Variants in TRAPPC12 observed in about 807,000 individuals in gnomAD.
The protein encoded by TRAPPC12 is TPR repeat protein 15.
In TRAPPC12, 61 loss-of-function variants were observed where a neutral mutation model predicts 69.2. That is an observed-to-expected ratio of 0.88 (90% CI 0.72 to 1.09). The LOEUF (loss-of-function observed/expected upper bound fraction) is 1.09. Among genes scored for constraint, TRAPPC12 ranks in the 50% least tolerant of loss-of-function variants. TRAPPC12 has a pLI of 0.00. For synonymous variants in TRAPPC12, 469 were observed against 438.9 expected (o/e 1.07, Z -0.86); for missense variants, 1,101 against 1,016.4 (o/e 1.08, Z -1.13).
At position 3,421,928 on chromosome 2, in the gene TRAPPC12, C is replaced by T. The variant is rs1413342004; in HGVS notation, c.1212C>T (p.Leu404=). The part of the protein sequence containing the change: ...RAAVDLCGRL[L]TAHGQGYGKS... ...CAGTGGACCTGTGCGGACGTCTCCTCACAGCCCACGGCCAGGGCTACGGCA... is the reference window on the plus strand; with the variant it reads ...CAGTGGACCTGTGCGGACGTCTCCTTACAGCCCACGGCCAGGGCTACGGCA... The change falls in exon 4 of 12, where the codon CTC becomes CTT. Residue 404 remains leucine (L), a synonymous_variant. Coordinates refer to ENST00000324266, the MANE Select transcript of TRAPPC12 (RefSeq NM_016030.6). 7 of 1,613,758 alleles carry T rather than the reference C, an allele frequency of 4.3e-6. No individual in the cohort carries two copies. Among genetic ancestry groups the T allele is most frequent in the African/African-American group, 1.3e-5 (1 of 74,942 alleles).
At chr2:3,417,714 C>G (rs186995112) in intron 3 of TRAPPC12, among the ~76,000 whole-genome samples, 49 of 152,246 alleles carry the variant, frequency 3.2e-4, no homozygotes, top group Non-Finnish European at 6.2e-4. Context: ...GTTCTTCTTT[C>G]CACGAGAATT....
chr2:3,462,801 G>T (rs1665578208), intron 8 of TRAPPC12: 1 of 432,060 alleles, frequency 2.3e-6, no homozygotes, highest in Admixed American at 2.5e-5. Context: ...AGGTGGCTTG[G>T]GCCCCCCCTC....
At chr2:3,385,431 TA>T (rs1167401625) in intron 1 of TRAPPC12, among the ~76,000 whole-genome samples, 5 of 152,198 alleles carry the variant, frequency 3.3e-5, no homozygotes, top group Non-Finnish European at 7.3e-5. Flanking sequence ...TTACAATTTA[TA>T]AAGTTTTTAA....
At chr2:3,434,823 G>T (rs1663657032) in intron 5 of TRAPPC12, among the ~76,000 whole-genome samples, 1 of 152,216 alleles carries the variant, frequency 6.6e-6, no homozygotes, top group South Asian at 2.1e-4. Context: ...ACAAGGAGAG[G>T]TGGCAGCGTG....
chr2:3,386,565 G>A (rs547436635), intron 1 of TRAPPC12, among the ~76,000 whole-genome samples: 4 of 152,292 alleles, frequency 2.6e-5, no homozygotes, highest in East Asian at 3.9e-4. Context: ...TAGTATGTGC[G>A]GATAAATGTT....
At chr2:3,448,105 AC>A (rs1664613364) in intron 6 of TRAPPC12, among the ~76,000 whole-genome samples, 1 of 152,106 alleles carries the variant, frequency 6.6e-6, no homozygotes, top group Non-Finnish European at 1.5e-5. Flanking sequence ...TATGTTGATT[AC>A]CCCCTACTAA....
At chr2:3,442,423 T>G (rs986143999) in intron 5 of TRAPPC12, among the ~76,000 whole-genome samples, 3 of 152,176 alleles carry the variant, frequency 2.0e-5, no homozygotes, top group Non-Finnish European at 2.9e-5. Flanking sequence ...GTGACATGAC[T>G]TACATATGAC....
chr2:3,464,065 C>T (rs1029994056), intron 8 of TRAPPC12, among the ~76,000 whole-genome samples: 2 of 152,180 alleles, frequency 1.3e-5, no homozygotes, highest in Non-Finnish European at 2.9e-5. Context: ...CAGCTGCAAC[C>T]TCAGCCGCCC....
rs187029042 is a variant in TRAPPC12, at chr2:3,398,184, G to A, written c.1048-3593G>A. ...CTACTGTGAACATTCACACACAGGC[G>A]TTTGTGTCTATGTGTTCTCAGTGAT... On this transcript the variant is annotated intron_variant, in intron 2 of 11. Coordinates refer to ENST00000324266, the MANE Select transcript of TRAPPC12 (RefSeq NM_016030.6). 2.4e-4 allele frequency among the ~76,000 whole-genome samples: 37 copies of A among 152,316 alleles called. No homozygotes were observed. The East Asian group carries it at 4.6e-3, about 19-fold the overall frequency.
intron 8 of TRAPPC12, chr2:3,462,796 G>T (rs773323319): frequency 9.3e-6 from 4 of 429,902 alleles, no homozygotes; most frequent in Non-Finnish European, 2.0e-5. Flanking sequence ...ACCTTAGGTG[G>T]CTTGGGCCCC....
intron 3 of TRAPPC12, among the ~76,000 whole-genome samples, chr2:3,421,309 C>T (rs991535256): frequency 5.3e-5 from 8 of 152,172 alleles, no homozygotes; most frequent in African/African-American, 9.7e-5. Flanking sequence ...GAAGCCGTAA[C>T]GTTAAGTGAT....
At chr2:3,463,452 G>C (rs749800612) in intron 8 of TRAPPC12, among the ~76,000 whole-genome samples, 2 of 151,588 alleles carry the variant, frequency 1.3e-5, no homozygotes, top group South Asian at 2.1e-4. Flanking sequence ...CTGGAATCCA[G>C]CTTCCTCTCA....
chr2:3,422,526 C>G (rs1447334895), intron 4 of TRAPPC12, among the ~76,000 whole-genome samples: 1 of 152,236 alleles, frequency 6.6e-6, no homozygotes, highest in Non-Finnish European at 1.5e-5. Context: ...ACATTCTTAC[C>G]TTTCCCTGGG....
At chr2:3,427,242 C>T (rs1663157581) in intron 5 of TRAPPC12, among the ~76,000 whole-genome samples, 1 of 152,222 alleles carries the variant, frequency 6.6e-6, no homozygotes, top group Non-Finnish European at 1.5e-5. Flanking sequence ...AGCATCGCCT[C>T]CAACCCCGCC....
chr2:3,400,611 T>A (rs1453809041), intron 2 of TRAPPC12, among the ~76,000 whole-genome samples: 1 of 152,212 alleles, frequency 6.6e-6, no homozygotes, highest in Non-Finnish European at 1.5e-5. Flanking sequence ...AGGCGTCTCC[T>A]GCCGCCCGTG....
chr2:3,395,423 ATT>A (rs148864205), intron 2 of TRAPPC12, among the ~76,000 whole-genome samples: 22 of 145,286 alleles, frequency 1.5e-4, no homozygotes, highest in Admixed American at 3.4e-4. Context: ...ATGTGTTGCA[ATT>A]TTTTTTTTTT....
chr2:3,399,771 T>C (rs1424011050), intron 2 of TRAPPC12, among the ~76,000 whole-genome samples: 1 of 152,156 alleles, frequency 6.6e-6, no homozygotes, highest in Non-Finnish European at 1.5e-5. Context: ...ACCTTGCTTC[T>C]TAGGAGAAAC....
At chr2:3,403,621 A>G (rs1030460245) in intron 3 of TRAPPC12, among the ~76,000 whole-genome samples, 3 of 152,252 alleles carry the variant, frequency 2.0e-5, no homozygotes, top group Admixed American at 6.5e-5. Context: ...TTTGCAGCCC[A>G]TTGAAATGAC....
At chr2:3,465,948 A>G (rs1215733173) in intron 9 of TRAPPC12, 1 of 549,316 alleles carries the variant, frequency 1.8e-6, no homozygotes, top group African/African-American at 1.9e-5. Flanking sequence ...CACTGAAATG[A>G]GTTACTCTAG....
Sources: allele counts gnomAD v4.1 joint callset (sites outside exome capture counted in the v4.1 genomes callset), GRCh38; gene constraint gnomAD v4.1.1; transcripts MANE v1.5; gene names NCBI Gene and HGNC (gene_info 2026-07-23, HGNC 2026-07-21).